PALLD: variants seen among roughly 807,000 people sequenced by gnomAD.
PALLD encodes palladin, cytoskeletal associated protein, also known as palladin.
A neutral mutation model predicts 123.5 loss-of-function variants in PALLD; 61 were observed. The ratio of observed to expected loss-of-function variants is 0.49; its 90% CI spans 0.40 to 0.61. PALLD has a LOEUF of 0.61. Among genes scored for constraint, PALLD ranks in the 20% least tolerant of loss-of-function variants. The pLI, the probability that PALLD is intolerant of heterozygous loss-of-function variation, is 0.00. For synonymous variants in PALLD, 465 were observed against 496.4 expected, an observed-to-expected ratio of 0.94 and a Z score of 0.84; for missense variants, 1,273 against 1,377.0, an observed-to-expected ratio of 0.92 and a Z score of 1.20.
At chr4:168,784,065 A>G (rs80108879) in intron 10 of PALLD, among the ~76,000 whole-genome samples, 130 of 152,172 alleles carry the variant, frequency 8.5e-4, no homozygotes, top group Non-Finnish European at 1.6e-3. Context: ...GCCAACAATA[A>G]TGAGACCCCA....
intron 10 of PALLD, among the ~76,000 whole-genome samples, chr4:168,789,684 C>A (rs1737227810): frequency 7.3e-6 from 1 of 136,374 alleles, no homozygotes; most frequent in African/African-American, 2.8e-5. Context: ...AGCCTGGCAA[C>A]AGAGCGAGAC....
chr4:168,574,948 G>A (rs1260171576), intron 2 of PALLD, among the ~76,000 whole-genome samples: 1 of 152,062 alleles, frequency 6.6e-6, no homozygotes, highest in Non-Finnish European at 1.5e-5. Context: ...ACATTCACCA[G>A]CATATTATGT....
chr4:168,750,272 G>A (rs752368018), intron 10 of PALLD, among the ~76,000 whole-genome samples: 38 of 152,156 alleles, frequency 2.5e-4, no homozygotes, highest in Non-Finnish European at 2.9e-5. Context: ...GCGAGAACAT[G>A]TGGTACTTAG....
At chr4:168,604,376 A>C (rs1479775812) in intron 2 of PALLD, among the ~76,000 whole-genome samples, 1 of 152,244 alleles carries the variant, frequency 6.6e-6, no homozygotes, top group Admixed American at 6.5e-5. Context: ...TTTATCTATG[A>C]AACACACAAC....
chr4:168,715,654 A>T (rs556618916), intron 10 of PALLD, among the ~76,000 whole-genome samples: 1 of 152,270 alleles, frequency 6.6e-6, no homozygotes, highest in South Asian at 2.1e-4. Flanking sequence ...TTCCTACCAA[A>T]AAAACGGTCC....
At chr4:168,878,369 G>T in intron 10 of PALLD, 1 of 1,515,146 alleles carries the variant, frequency 6.6e-7, no homozygotes, top group South Asian at 1.2e-5. Flanking sequence ...CAACGCCCTG[G>T]GGCTGCCCAA....
Position 168,834,020 on chromosome 4 carries a change from A to AT in PALLD, c.1965-56894dup, listed in dbSNP as rs200993396. On this transcript the variant is annotated intron_variant, in intron 10 of 21. Coordinates refer to ENST00000505667, the MANE Select transcript of PALLD (RefSeq NM_001166108.2). ...TTCCCCCAATCCCTAAGCTTTACTT[A>AT]TTTTTTTTACTGATTCTTGTACTTT... Among the ~76,000 whole-genome samples the AT allele has an allele frequency of 1.7e-3, 255 of 149,648 alleles. 1 individual carries two copies. Among genetic ancestry groups the AT allele is most frequent in the Non-Finnish European group, 2.0e-3 (132 of 67,530 alleles).
chr4:168,862,109 A>C (rs1219563692), intron 10 of PALLD, among the ~76,000 whole-genome samples: 1 of 152,178 alleles, frequency 6.6e-6, no homozygotes, highest in East Asian at 1.9e-4. Flanking sequence ...AAAAAGAAAT[A>C]TTGTATAGAA....
intron 10 of PALLD, among the ~76,000 whole-genome samples, chr4:168,740,504 G>T (rs1424683697): frequency 1.3e-5 from 2 of 151,914 alleles, no homozygotes; most frequent in African/African-American, 4.8e-5. Context: ...TTTTTTTTCT[G>T]AGCTGGAATT....
intron 2 of PALLD, among the ~76,000 whole-genome samples, chr4:168,580,200 G>A (rs142158039): frequency 0.015 from 2,220 of 151,286 alleles, 24 homozygotes; most frequent in Middle Eastern, 0.027. Context: ...CAAATTGCAG[G>A]ATTTCCTTCT....
chr4:168,572,414 C>T (rs540008063), intron 2 of PALLD, among the ~76,000 whole-genome samples: 9 of 152,106 alleles, frequency 5.9e-5, no homozygotes, highest in Non-Finnish European at 8.8e-5. Flanking sequence ...GGTACAAACT[C>T]AGGTCATTCT....
At chr4:168,586,902 C>A (rs989609377) in intron 2 of PALLD, among the ~76,000 whole-genome samples, 2 of 152,126 alleles carry the variant, frequency 1.3e-5, no homozygotes, top group Non-Finnish European at 2.9e-5. Context: ...GGCAAGGAGA[C>A]ATAGCTAGGG....
At chr4:168,519,128 C>A (rs1561201743) in intron 2 of PALLD, among the ~76,000 whole-genome samples, 2 of 152,148 alleles carry the variant, frequency 1.3e-5, no homozygotes, top group African/African-American at 2.4e-5. Flanking sequence ...TTCAGGCTTA[C>A]GGATGTAGTA....
chr4:168,737,526 GT>G (rs990156302), intron 10 of PALLD, among the ~76,000 whole-genome samples: 5 of 148,012 alleles, frequency 3.4e-5, no homozygotes, highest in South Asian at 2.2e-4. Flanking sequence ...TGTTTTTTTG[GT>G]TTTTTTTTTG....
At chr4:168,835,579 G>T (rs1268413192) in intron 10 of PALLD, among the ~76,000 whole-genome samples, 1 of 151,554 alleles carries the variant, frequency 6.6e-6, no homozygotes, top group Admixed American at 6.6e-5. Flanking sequence ...ATCTCTTTGA[G>T]ATTGCACGAA....
chr4:168,600,470 T>G (rs541395711), intron 2 of PALLD, among the ~76,000 whole-genome samples: 34 of 152,184 alleles, frequency 2.2e-4, no homozygotes, highest in Non-Finnish European at 4.3e-4. Context: ...CTCTTTAAAC[T>G]CATCTTTTTA....
At chr4:168,891,667 C>G (rs1050191728) in intron 11 of PALLD, among the ~76,000 whole-genome samples, 5 of 138,330 alleles carry the variant, frequency 3.6e-5, no homozygotes, top group Non-Finnish European at 7.7e-5. Flanking sequence ...AACAAATGAG[C>G]AATGCCAATG....
intron 12 of PALLD, among the ~76,000 whole-genome samples, chr4:168,895,766 A>C (rs952647428): frequency 6.6e-6 from 1 of 152,252 alleles, no homozygotes; most frequent in Non-Finnish European, 1.5e-5. Flanking sequence ...TGTTGTTCAA[A>C]GATCAACTGT....
At chr4:168,585,611 G>A (rs1177498492) in intron 2 of PALLD, among the ~76,000 whole-genome samples, 4 of 152,106 alleles carry the variant, frequency 2.6e-5, no homozygotes, top group African/African-American at 9.7e-5. Flanking sequence ...AGTCCCCAGC[G>A]CAGGCACTGA....
Sources: allele counts gnomAD v4.1 joint callset (sites outside exome capture counted in the v4.1 genomes callset), GRCh38; gene constraint gnomAD v4.1.1; transcripts MANE v1.5; gene names NCBI Gene and HGNC (gene_info 2026-07-23, HGNC 2026-07-21).